Variants in CSMD1 observed in about 807,000 individuals in gnomAD.
The protein encoded by CSMD1 is CUB and Sushi multiple domains 1.
Under a neutral mutation model 417.5 loss-of-function variants are expected in CSMD1, and 213 were observed. That is an observed-to-expected ratio of 0.51 (90% CI 0.46 to 0.57). CSMD1 has a LOEUF of 0.57. Among genes scored for constraint, CSMD1 ranks in the 20% least tolerant of loss-of-function variants. The pLI is 0.00. For synonymous variants in CSMD1, 2,862 were observed against 1,736.8 expected (o/e 1.65, Z -16.11); for missense variants, 6,923 against 4,529.7 (o/e 1.53, Z -15.17).
At chr8:3,674,036 G>T (rs114715658) in intron 7 of CSMD1, among the ~76,000 whole-genome samples, 21,045 of 152,102 alleles carry the variant, frequency 0.14, 1,627 homozygotes, top group South Asian at 0.21. Context: ...AGCCTGGGAG[G>T]CAGAGGTTGC....
At chr8:3,159,927 G>A (rs547073969) in intron 38 of CSMD1, among the ~76,000 whole-genome samples, 1 of 152,230 alleles carries the variant, frequency 6.6e-6, no homozygotes, top group African/African-American at 2.4e-5. Flanking sequence ...TCACCATCAG[G>A]TAGAAAGAAG....
At chr8:3,936,178 G>A (rs969509165) in intron 5 of CSMD1, among the ~76,000 whole-genome samples, 14 of 73,162 alleles carry the variant, frequency 1.9e-4, no homozygotes, top group South Asian at 8.7e-4. Context: ...AGTTCATAGG[G>A]TTTAAGAAAA....
At chr8:4,361,796 A>G (rs1206766220) in intron 3 of CSMD1, among the ~76,000 whole-genome samples, 1 of 152,078 alleles carries the variant, frequency 6.6e-6, no homozygotes, top group Non-Finnish European at 1.5e-5. Flanking sequence ...TCTACTAAAA[A>G]TACAAAAAAC....
chr8:3,944,302 C>G (rs982679883), intron 5 of CSMD1, among the ~76,000 whole-genome samples: 1 of 151,986 alleles, frequency 6.6e-6, no homozygotes, highest in Non-Finnish European at 1.5e-5. Context: ...AGTTTGAGCC[C>G]CGGATAATTA....
chr8:3,776,956 C>A (rs1798924580), intron 5 of CSMD1, among the ~76,000 whole-genome samples: 1 of 151,904 alleles, frequency 6.6e-6, no homozygotes, highest in Admixed American at 6.6e-5. Flanking sequence ...TCAAGTGATT[C>A]TCCTACCTGG....
At chr8:3,999,164 T>C (rs1014271500) in intron 4 of CSMD1, among the ~76,000 whole-genome samples, 1 of 151,966 alleles carries the variant, frequency 6.6e-6, no homozygotes, top group African/African-American at 2.4e-5. Flanking sequence ...TTCTTTCTTC[T>C]TTTTCTTTCT....
chr8:4,383,009 T>G (rs1385333167), intron 3 of CSMD1, among the ~76,000 whole-genome samples: 1 of 152,204 alleles, frequency 6.6e-6, no homozygotes, highest in Non-Finnish European at 1.5e-5. Context: ...TATCAGCGCC[T>G]TCAGTAAGAA....
intron 3 of CSMD1, among the ~76,000 whole-genome samples, chr8:4,050,925 T>C (rs529584490): frequency 3.3e-5 from 5 of 152,210 alleles, no homozygotes; most frequent in Non-Finnish European, 7.4e-5. Context: ...TGAAGTGACC[T>C]ATATTCCCAT....
At chr8:3,497,443 G>T (rs1796412883) in intron 10 of CSMD1, among the ~76,000 whole-genome samples, 1 of 152,050 alleles carries the variant, frequency 6.6e-6, no homozygotes, top group Non-Finnish European at 1.5e-5. Context: ...GTCTTGCTCT[G>T]TCACCCAGGC....
intron 12 of CSMD1, among the ~76,000 whole-genome samples, chr8:3,464,022 T>C (rs1585203238): frequency 1.3e-5 from 2 of 152,208 alleles, no homozygotes; most frequent in Non-Finnish European, 2.9e-5. Flanking sequence ...TGAAGTCAAA[T>C]AATTTTACTG....
chr8:3,581,279 C>T (rs554450355), intron 9 of CSMD1, among the ~76,000 whole-genome samples: 4 of 152,248 alleles, frequency 2.6e-5, no homozygotes, highest in Admixed American at 6.5e-5. Flanking sequence ...TTAAACAGCT[C>T]GTAATGTCTT....
At chr8:4,842,831 T>C (rs951730870) in intron 1 of CSMD1, among the ~76,000 whole-genome samples, 7 of 152,232 alleles carry the variant, frequency 4.6e-5, no homozygotes, top group African/African-American at 9.6e-5. Context: ...TTTCTCAAAG[T>C]AGCGTAGCTG....
chr8:3,949,550 T>C (rs1263225102), intron 5 of CSMD1, among the ~76,000 whole-genome samples: 3 of 152,006 alleles, frequency 2.0e-5, no homozygotes, highest in African/African-American at 4.8e-5. Flanking sequence ...TGTGTCTAAT[T>C]TGGGGTTATT....
At chr8:4,244,274 C>A (rs998295099) in intron 3 of CSMD1, among the ~76,000 whole-genome samples, 1 of 152,118 alleles carries the variant, frequency 6.6e-6, no homozygotes, top group Non-Finnish European at 1.5e-5. Context: ...TGAGAGCAGG[C>A]CCCCGGGTCT....
At position 4,610,743 on chromosome 8, in the gene CSMD1, A is replaced by G. The variant is rs550310425; in HGVS notation, c.302+26599T>C. The stretch of plus-strand genomic sequence containing the variant: ...TTTGCAAATGGTTCTTCATGACTAC[A>G]CTGCCAATTATATGTTACTTAATCT... On this transcript the variant is annotated intron_variant, in intron 2 of 69. Transcript: ENST00000635120. Among the ~76,000 whole-genome samples, 9 of 152,342 alleles carry G rather than the reference A, an allele frequency of 5.9e-5. No homozygotes were observed. In the East Asian group the frequency reaches 1.7e-3, roughly 29 times the overall value.
At chr8:4,407,062 G>T (rs73512711) in intron 3 of CSMD1, among the ~76,000 whole-genome samples, 1 of 152,142 alleles carries the variant, frequency 6.6e-6, no homozygotes, top group Non-Finnish European at 1.5e-5. Context: ...ACACGGCCAA[G>T]GTCACTCAAG....
At chr8:4,063,690 C>G (rs1167382423) in intron 3 of CSMD1, among the ~76,000 whole-genome samples, 2 of 152,174 alleles carry the variant, frequency 1.3e-5, no homozygotes, top group South Asian at 2.1e-4. Flanking sequence ...TAAGCATGGA[C>G]CAGGCATGCT....
intron 8 of CSMD1, among the ~76,000 whole-genome samples, chr8:3,614,873 T>C (rs945605254): frequency 1.3e-5 from 2 of 152,142 alleles, no homozygotes; most frequent in East Asian, 3.9e-4. Context: ...GATGATGCAC[T>C]GTTGTCAACT....
intron 46 of CSMD1, among the ~76,000 whole-genome samples, chr8:3,101,802 T>A (rs946454479): frequency 1.1e-3 from 19 of 17,642 alleles, no homozygotes; most frequent in Non-Finnish European, 2.7e-3. Flanking sequence ...TCTTTTTCTT[T>A]TTTTTTTTTT....
Sources: allele counts gnomAD v4.1 joint callset (sites outside exome capture counted in the v4.1 genomes callset), GRCh38; gene constraint gnomAD v4.1.1; transcripts MANE v1.5; gene names NCBI Gene and HGNC (gene_info 2026-07-23, HGNC 2026-07-21).